Variants in MSANTD5 observed in about 807,000 individuals in gnomAD.
MSANTD5 encodes the protein uncharacterized protein MSANTD5.
chr5:178,697,479 A>G (rs1765432115), intron 1 of MSANTD5, 107 bp downstream of exon 1: 1 of 152,198 alleles, frequency 6.6e-6, no homozygotes, highest in Admixed American at 6.5e-5. Flanking sequence ...TAAAAATAAA[A>G]AGGAACAGCA....
chr5:178,694,043 G>A (rs192373800), downstream of MSANTD5, among the ~76,000 whole-genome samples: 8 of 152,076 alleles, frequency 5.3e-5, no homozygotes, highest in East Asian at 9.7e-4. Context: ...CTGGCTGGGC[G>A]CAGTGGCTCA....
At chr5:178,698,613 T>G (rs541686249), upstream of MSANTD5, among the ~76,000 whole-genome samples, 8 of 152,250 alleles carry the variant, frequency 5.3e-5, no homozygotes, top group South Asian at 1.7e-3. Flanking sequence ...AGGGTCTTGC[T>G]CTGCTGCCCA....
At chr5:178,703,155 T>C in the MSANTD5 span, among the ~76,000 whole-genome samples, 1 of 152,244 alleles carries the variant, frequency 6.6e-6, no homozygotes, top group African/African-American at 2.4e-5. Context: ...GGCCAGGTCC[T>C]CAGGGCTGCT....
chr5:178,692,859 C>G (rs868531386), downstream of MSANTD5, among the ~76,000 whole-genome samples: 1 of 151,832 alleles, frequency 6.6e-6, no homozygotes, highest in African/African-American at 2.4e-5. Flanking sequence ...TTGACTGTAT[C>G]GATGTCAATA....
At chr5:178,699,952 T>C (rs572806770), upstream of MSANTD5, among the ~76,000 whole-genome samples, 3 of 82,982 alleles carry the variant, frequency 3.6e-5, no homozygotes. Context: ...GCACAGACAT[T>C]CTTCATTCCA....
At chr5:178,694,097 A>T (rs1581732375), downstream of MSANTD5, among the ~76,000 whole-genome samples, 1 of 151,906 alleles carries the variant, frequency 6.6e-6, no homozygotes, top group African/African-American at 2.4e-5. Context: ...CGAGTGGATC[A>T]CCTGAGGTCA....
chr5:178,702,025 G>A (rs897332553), upstream of MSANTD5, among the ~76,000 whole-genome samples: 10 of 149,728 alleles, frequency 6.7e-5, no homozygotes, highest in African/African-American at 2.0e-4. Flanking sequence ...GAGCCACCGC[G>A]CCCGGCCGAA....
At chr5:178,706,197 GGACTTCTGGGATAAAT>G in the MSANTD5 span, among the ~76,000 whole-genome samples, 1 of 152,184 alleles carries the variant, frequency 6.6e-6, no homozygotes, top group African/African-American at 2.4e-5. Context: ...AACCAACATT[GGACTTCTGGGATAAAT>G]CCCAGAAGTT....
At chr5:178,700,862 A>G (rs1765470715), upstream of MSANTD5, among the ~76,000 whole-genome samples, 1 of 152,200 alleles carries the variant, frequency 6.6e-6, no homozygotes, top group South Asian at 2.1e-4. Context: ...TTTAGGAAAG[A>G]CTTCTTGAGC....
the MSANTD5 span, among the ~76,000 whole-genome samples, chr5:178,705,943 TGA>T: frequency 6.6e-6 from 1 of 152,098 alleles, no homozygotes; most frequent in African/African-American, 2.4e-5. Flanking sequence ...AGTGACAGAG[TGA>T]GACTCTGTCT....
chr5:178,702,291 C>CTTTTTTTT (rs906079918), upstream of MSANTD5, among the ~76,000 whole-genome samples: 3 of 142,188 alleles, frequency 2.1e-5, no homozygotes, highest in African/African-American at 7.7e-5. Flanking sequence ...ATTTTTCTTT[C>CTTTTTTTT]TTTTTTTTTC....
exon 4 of MSANTD5, chr5:178,694,840 T>A (rs532148773): frequency 6.6e-6 from 1 of 152,250 alleles, no homozygotes; most frequent in Non-Finnish European, 1.5e-5. Context: ...TCCACATAGA[T>A]CACAGGTGTT....
chr5:178,706,580 A>G, the MSANTD5 span, among the ~76,000 whole-genome samples: 1 of 151,502 alleles, frequency 6.6e-6, no homozygotes, highest in African/African-American at 2.4e-5. Context: ...CAGGATTCCA[A>G]TCTACTGGAA....
chr5:178,700,723 G>A (rs1048403928), upstream of MSANTD5, among the ~76,000 whole-genome samples: 8 of 133,688 alleles, frequency 6.0e-5, no homozygotes, highest in Admixed American at 2.3e-4. Context: ...TGCATAATCC[G>A]GGCTGAGAGG....
chr5:178,695,946 G>A (rs1181283902), intron 2 of MSANTD5, among the ~76,000 whole-genome samples, 151 bp downstream of exon 2: 1 of 152,200 alleles, frequency 6.6e-6, no homozygotes, highest in Non-Finnish European at 1.5e-5. Context: ...CACCTGAGCT[G>A]TGGGCAGGGA....
At chr5:178,697,314 C>T (rs1048311440) in intron 1 of MSANTD5, among the ~76,000 whole-genome samples, 26 of 151,412 alleles carry the variant, frequency 1.7e-4, no homozygotes, top group South Asian at 1.7e-3. Context: ...ATTAGCCGGG[C>T]GTGGTGGCGG....
chr5:178,692,949 T>C (rs1052022756), downstream of MSANTD5, among the ~76,000 whole-genome samples: 2 of 151,760 alleles, frequency 1.3e-5, no homozygotes, highest in African/African-American at 2.4e-5. Context: ...CTCTCTAGAG[T>C]CCCTCTGTAC....
At chr5:178,706,592 C>T in the MSANTD5 span, among the ~76,000 whole-genome samples, 1 of 151,842 alleles carries the variant, frequency 6.6e-6, no homozygotes, top group Non-Finnish European at 1.5e-5. Flanking sequence ...CTACTGGAAT[C>T]CTCAAAGTGT....
chr5:178,703,005 TG>T, the MSANTD5 span, among the ~76,000 whole-genome samples: 1 of 152,200 alleles, frequency 6.6e-6, no homozygotes, highest in East Asian at 1.9e-4. Flanking sequence ...GATTCCACTG[TG>T]CAGACAGAGC....
Sources: gnomAD v4.1 joint callset for allele counts (sites outside exome capture counted in the v4.1 genomes callset) on GRCh38, gnomAD v4.1.1 for gene constraint, MANE v1.5 for transcripts, NCBI Gene and HGNC (gene_info 2026-07-23, HGNC 2026-07-21) for gene names.